TAFA5: variants seen among roughly 807,000 people sequenced by gnomAD.
TAFA5 encodes TAFA chemokine like family member 5, also known as chemokine-like protein TAFA-5.
A neutral mutation model predicts 15.3 loss-of-function variants in TAFA5; 6 were observed. The ratio of observed to expected loss-of-function variants is 0.39; its 90% CI spans 0.21 to 0.77. The LOEUF (loss-of-function observed/expected upper bound fraction) is 0.77. Ranked by LOEUF, TAFA5 falls within the 30% of genes least tolerant of loss-of-function variation. TAFA5 has a pLI of 0.41. For missense variants in TAFA5, 161 were observed against 193.1 expected (o/e 0.83, Z 0.98); for synonymous variants, 103 against 80.7 (o/e 1.28, Z -1.48).
intron 1 of TAFA5, among the ~76,000 whole-genome samples, chr22:48,555,050 C>T (rs1239281300): frequency 6.6e-6 from 1 of 152,222 alleles, no homozygotes; most frequent in South Asian, 2.1e-4. Context: ...CAGTGGCTGT[C>T]ATGGCAGCAG....
intron 1 of TAFA5, among the ~76,000 whole-genome samples, chr22:48,605,701 A>T (rs1925168175): frequency 6.6e-6 from 1 of 152,214 alleles, no homozygotes. Flanking sequence ...TTTGAACTTC[A>T]ACTTGAGCCT....
At position 48,576,039 on chromosome 22, in the gene TAFA5, A is replaced by ACCCCCCCC. The variant is rs535068094; in HGVS notation, c.113-70551_113-70544dup. 4.0e-3 allele frequency among the ~76,000 whole-genome samples: 125 copies of ACCCCCCCC among 31,416 alleles called. 31 individuals carry two copies. Among genetic ancestry groups the ACCCCCCCC allele is most frequent in the African/African-American group, 0.016 (70 of 4,254 alleles). 20.6% of individuals were successfully genotyped at this position (31,416 alleles called of 152,430 possible). On this transcript the variant is annotated intron_variant, in intron 1 of 3. Transcript: ENST00000402357. ...GAGGAGGGGGCCGGGGCCGCGCCGG[A>ACCCCCCCC]CCCCCCCCCCCCCCGCGCCGCCCGG...
intron 1 of TAFA5, among the ~76,000 whole-genome samples, chr22:48,613,594 C>T (rs1235486889): frequency 1.3e-5 from 2 of 151,910 alleles, no homozygotes; most frequent in African/African-American, 4.9e-5. Flanking sequence ...CCAGCCTCCT[C>T]CGTGAATTAG....
chr22:48,573,015 C>T (rs1258287434), intron 1 of TAFA5, among the ~76,000 whole-genome samples: 2 of 152,244 alleles, frequency 1.3e-5, no homozygotes, highest in African/African-American at 4.8e-5. Flanking sequence ...AGTCCCACAC[C>T]TCAGGCACTG....
chr22:48,555,572 C>T (rs1923006663), intron 1 of TAFA5, among the ~76,000 whole-genome samples: 1 of 152,180 alleles, frequency 6.6e-6, no homozygotes, highest in Admixed American at 6.5e-5. Context: ...GCAAAAACAA[C>T]AACAAAAATC....
chr22:48,501,783 C>T (rs140382438), intron 1 of TAFA5, among the ~76,000 whole-genome samples: 14 of 152,312 alleles, frequency 9.2e-5, no homozygotes, highest in African/African-American at 2.9e-4. Context: ...TGAGTGTGGC[C>T]GCTCTTCTCA....
chr22:48,633,498 C>A (rs1435288892), intron 1 of TAFA5, among the ~76,000 whole-genome samples: 1 of 47,154 alleles, frequency 2.1e-5, no homozygotes, highest in African/African-American at 1.8e-4. Context: ...TGCTCTGTGT[C>A]TGTCTGTCTG....
Position 48,646,629 on chromosome 22 carries a change from A to G in TAFA5, c.145A>G (p.Thr49Ala). ...GGCCGCCGGCACCTGTGAGATTGTG[A>G]CCTTGGACCGGGACAGCAGCCAGCC... ...QLAAGTCEIV[T>A]LDRDSSQPRR... The change falls in exon 2 of 4, where the codon ACC (threonine) becomes GCC (alanine). Residue 49 changes from threonine to alanine, a missense_variant. Thr to Ala is a moderately conservative substitution (Grantham distance 58). Transcript: ENST00000402357. 1.2e-6 allele frequency: 2 copies of G among 1,612,300 alleles called. No individual in the cohort carries two copies. The highest frequency in any genetic ancestry group is 1.7e-6 in the Non-Finnish European group (2 of 1,179,676).
chr22:48,723,426 C>T (rs132256), intron 3 of TAFA5, among the ~76,000 whole-genome samples: 46,058 of 152,038 alleles, frequency 0.3, 8,279 homozygotes, highest in Non-Finnish European at 0.42. Context: ...TCATCAGTGC[C>T]GGCGTCTTCG....
chr22:48,582,907 A>G (rs1255531584), intron 1 of TAFA5, among the ~76,000 whole-genome samples: 1 of 149,064 alleles, frequency 6.7e-6, no homozygotes, highest in Admixed American at 6.6e-5. Context: ...TACACCACAC[A>G]CAAAATACAC....
intron 1 of TAFA5, among the ~76,000 whole-genome samples, chr22:48,522,811 G>T (rs775235466): frequency 6.6e-5 from 10 of 152,230 alleles, no homozygotes; most frequent in Non-Finnish European, 1.5e-4. Flanking sequence ...CCCCCAGGCT[G>T]GCCTGTCCCT....
intron 1 of TAFA5, among the ~76,000 whole-genome samples, chr22:48,605,038 G>A (rs201354479): frequency 2.0e-5 from 3 of 150,898 alleles, no homozygotes; most frequent in African/African-American, 4.9e-5. Context: ...GATGATGATC[G>A]TGGTGATAAT....
At chr22:48,509,872 A>G (rs923774887) in intron 1 of TAFA5, among the ~76,000 whole-genome samples, 1 of 151,498 alleles carries the variant, frequency 6.6e-6, no homozygotes, top group East Asian at 1.9e-4. Context: ...AATGGCGTGA[A>G]CCCGGGAGGC....
intron 3 of TAFA5, among the ~76,000 whole-genome samples, chr22:48,727,998 T>G (rs1186799674): frequency 1.3e-5 from 2 of 152,212 alleles, no homozygotes; most frequent in Non-Finnish European, 2.9e-5. Flanking sequence ...TAACTTAATC[T>G]ATATTAAGGT....
chr22:48,648,540 G>C (rs1926944754), intron 2 of TAFA5, among the ~76,000 whole-genome samples: 1 of 152,108 alleles, frequency 6.6e-6, no homozygotes, highest in African/African-American at 2.4e-5. Flanking sequence ...GCTGCACTAG[G>C]AAAAAGAATG....
chr22:48,640,473 G>A (rs1447999329), intron 1 of TAFA5, among the ~76,000 whole-genome samples: 3 of 152,294 alleles, frequency 2.0e-5, no homozygotes, highest in Middle Eastern at 3.4e-3. Flanking sequence ...CACGGGGAGT[G>A]TGCTTCTAAG....
In TAFA5 at chr22:48,646,424, G is replaced by A. The variant is rs553068577; in HGVS notation, c.113-173G>A. On this transcript the variant is annotated intron_variant, in intron 1 of 3. Coordinates refer to ENST00000402357, the MANE Select transcript of TAFA5 (RefSeq NM_001082967.3). Reference sequence around the variant, plus strand: ...GACCCAGCTCTGGCTTCCATCGAGCGCTCCTTGCTGGCAGCCTTCGAGGTG... The same window carrying A: ...GACCCAGCTCTGGCTTCCATCGAGCACTCCTTGCTGGCAGCCTTCGAGGTG... Among the ~76,000 whole-genome samples, 5 of 152,330 alleles carry A rather than the reference G, an allele frequency of 3.3e-5. No individual in the cohort carries two copies. In the South Asian group the frequency reaches 6.2e-4, roughly 19 times the overall value.
chr22:48,659,265 C>T (rs1212365935), intron 2 of TAFA5, among the ~76,000 whole-genome samples: 2 of 152,254 alleles, frequency 1.3e-5, no homozygotes, highest in Non-Finnish European at 2.9e-5. Context: ...GAGAATTTTG[C>T]TTCAGCCACC....
Position 48,603,569 on chromosome 22 carries a change from C to T in TAFA5, c.113-43028C>T, listed in dbSNP as rs560659993. On this transcript the variant is annotated intron_variant, in intron 1 of 3. Coordinates refer to ENST00000402357, the MANE Select transcript of TAFA5 (RefSeq NM_001082967.3). ...GGCTCAGAGGTGCCAGGGTATCTTC[C>T]GGACCTGGCCTGCCTCTCCCCAGGA... Among the ~76,000 whole-genome samples, 6 of 152,316 alleles carry T rather than the reference C, an allele frequency of 3.9e-5. No individual in the cohort carries two copies. The East Asian group carries it at 7.7e-4, about 20-fold the overall frequency.
Sources: gnomAD v4.1 joint callset for allele counts (sites outside exome capture counted in the v4.1 genomes callset) on GRCh38, gnomAD v4.1.1 for gene constraint, MANE v1.5 for transcripts, NCBI Gene and HGNC (gene_info 2026-07-23, HGNC 2026-07-21) for gene names.